The following PDS5B variants were observed in gnomAD, a reference collection of about 807,000 sequenced individuals.
PDS5B encodes the protein PDS5 cohesin associated factor B.
A neutral mutation model predicts 184.1 loss-of-function variants in PDS5B; 51 were observed. That is an observed-to-expected ratio of 0.28 (90% CI 0.22 to 0.35). PDS5B has a LOEUF of 0.35. Ranked by LOEUF, PDS5B falls within the 10% of genes least tolerant of loss-of-function variation. The pLI, the probability that PDS5B is intolerant of heterozygous loss-of-function variation, is 1.00. For missense variants in PDS5B, 1,180 were observed against 1,723.3 expected, an observed-to-expected ratio of 0.68 and a Z score of 5.58; for synonymous variants, 566 against 569.2, an observed-to-expected ratio of 0.99 and a Z score of 0.08.
At chr13:32,608,606 C>T (rs2058096686) in intron 1 of PDS5B, among the ~76,000 whole-genome samples, 1 of 152,072 alleles carries the variant, frequency 6.6e-6, no homozygotes, top group Non-Finnish European at 1.5e-5. Flanking sequence ...TAAGCTGGAA[C>T]CTACAGAGAT....
chr13:32,709,386 T>G (rs1184612141), intron 18 of PDS5B, among the ~76,000 whole-genome samples: 3 of 152,060 alleles, frequency 2.0e-5, no homozygotes, highest in Admixed American at 2.0e-4. Flanking sequence ...TTCTGTTGAC[T>G]TCTTTGTAAT....
chr13:32,775,047 C>T lies in PDS5B; in HGVS notation c.4339C>T (p.Arg1447Ter), dbSNP rs199518025. The change falls in exon 35 of 35, where the codon CGA becomes TGA. Residue 1447 changes from arginine to a stop codon, truncating the protein, a stop_gained. Coordinates refer to ENST00000315596, the MANE Select transcript of PDS5B (RefSeq NM_015032.4). LOFTEE classifies it high-confidence loss of function. ...VRRRSAKRER[R>*] is the part of the protein sequence containing the mutation. ...GCGGCGAAGTGCTAAAAGGGAACGG[C>T]GATGAACAAATGTAATTAATAACTT... 4.4e-6 allele frequency: 7 copies of T among 1,596,024 alleles called. No individual in the cohort carries two copies. The highest frequency in any genetic ancestry group is 2.7e-5 in the African/African-American group (2 of 73,266).
At chr13:32,758,767 A>T in intron 28 of PDS5B, 114 bp downstream of exon 28, 1 of 974,934 alleles carries the variant, frequency 1.0e-6, no homozygotes. Context: ...TAAGAATGTG[A>T]TTTAAGATCA....
At chr13:32,760,008 G>A (rs1300477014) in intron 29 of PDS5B, among the ~76,000 whole-genome samples, 1 of 152,010 alleles carries the variant, frequency 6.6e-6, no homozygotes, top group Non-Finnish European at 1.5e-5. Context: ...CCAGGCTGGA[G>A]TGCAGTGGCG....
chr13:32,736,516 G>A (rs982381644), intron 21 of PDS5B, among the ~76,000 whole-genome samples: 1 of 151,948 alleles, frequency 6.6e-6, no homozygotes, highest in African/African-American at 2.4e-5. Context: ...TCTTCTGTCT[G>A]TTTGCTGTGA....
chr13:32,706,172 G>A (rs1438866725), intron 17 of PDS5B, among the ~76,000 whole-genome samples: 3 of 151,864 alleles, frequency 2.0e-5, no homozygotes, highest in African/African-American at 7.3e-5. Context: ...CAGCTACTTG[G>A]GAGGCTGAGG....
At position 32,586,898 on chromosome 13, in the gene PDS5B, G is replaced by A. The variant is rs866145505; in HGVS notation, c.-20+305G>A. 7.7e-5 allele frequency among the ~76,000 whole-genome samples: 11 copies of A among 143,188 alleles called. No individual in the cohort carries two copies. In the South Asian group the frequency reaches 2.2e-3, roughly 28 times the overall value. The allele number at this position is 143,188 out of a possible 152,430, so 93.9% of individuals were successfully genotyped here. On this transcript the variant is annotated intron_variant, in intron 1 of 34. Coordinates refer to ENST00000315596, the MANE Select transcript of PDS5B (RefSeq NM_015032.4). ...CCGCAGCCTCTGGAAAATTAAACTT[G>A]CCGCTCTGATCCCGGCCGGGGCGGC...
At chr13:32,627,786 G>A (rs972146572) in intron 1 of PDS5B, among the ~76,000 whole-genome samples, 2 of 152,190 alleles carry the variant, frequency 1.3e-5, no homozygotes, top group Admixed American at 6.5e-5. Flanking sequence ...GTGGGATGAG[G>A]ATAGAGATGA....
At position 32,770,753 on chromosome 13, in the gene PDS5B, A is replaced by G. The variant is rs1190865244; in HGVS notation, c.4164A>G (p.Lys1388=). 6.2e-7 allele frequency: 1 copy of G among 1,601,596 alleles called. No homozygotes were observed. Among genetic ancestry groups the G allele is most frequent in the East Asian group, 2.3e-5 (1 of 43,546 alleles). The change falls in exon 33 of 35, where the codon AAA becomes AAG. Residue 1388 remains lysine (K), a synonymous_variant. Transcript: ENST00000315596. ...AAACGCCATCACCATCACAACCAAA[A>G]AAAAATGTGTAAGTTGTAAATATTA... ...PSKTPSPSQP[K]KNVRVGRSKQ...
At chr13:32,614,440 G>A (rs746359193) in intron 1 of PDS5B, among the ~76,000 whole-genome samples, 6 of 152,006 alleles carry the variant, frequency 3.9e-5, no homozygotes, top group Non-Finnish European at 8.8e-5. Context: ...TGGGATTATA[G>A]GCACCTGCAA....
rs576263665 is a variant in PDS5B, at chr13:32,667,256, G to A, written c.625-508G>A. On this transcript the variant is annotated intron_variant, in intron 6 of 34. Transcript: ENST00000315596. Reference sequence around the variant, plus strand: ...TTCCGCCCGTACTTTACTATTTGTTGTATTTCCTGTTGTATCCTTTGACTT... The same window carrying A: ...TTCCGCCCGTACTTTACTATTTGTTATATTTCCTGTTGTATCCTTTGACTT... Among the ~76,000 whole-genome samples, 12 of 152,098 alleles carry A rather than the reference G, an allele frequency of 7.9e-5. 1 individual carries two copies. The highest frequency in any genetic ancestry group is 7.9e-4 in the Admixed American group (12 of 15,256).
chr13:32,764,466 A>G (rs749554580), intron 30 of PDS5B, 23 bp from the exon 31 acceptor site: 22 of 1,375,156 alleles, frequency 1.6e-5, no homozygotes, highest in Admixed American at 6.0e-5. Context: ...TGTAATAACA[A>G]TTACAAATGT....
Position 32,644,226 on chromosome 13 carries a change from T to A in PDS5B, c.-19-4528T>A, listed in dbSNP as rs1262828123. 1.3e-5 allele frequency among the ~76,000 whole-genome samples: 2 copies of A among 152,166 alleles called. 1 individual carries two copies. The highest frequency in any genetic ancestry group is 1.3e-4 in the Admixed American group (2 of 15,266). ...TGTCCCTGACTTATGGTGGTTCAAC[T>A]TAGGACAATTTTTTGACTTTATGAT... On this transcript the variant is annotated intron_variant, in intron 1 of 34. Transcript: ENST00000315596.
In PDS5B at chr13:32,688,678, A is replaced by G; in HGVS notation, c.1469+109A>G. ...TTTTAAAATGTAATCTATGTAGTGT[A>G]AACATTGTTTAAAGGGTTATGTCGT... On this transcript the variant is annotated intron_variant, in intron 13 of 34. Transcript: ENST00000315596. 4.0e-6 allele frequency: 3 copies of G among 741,610 alleles called. No homozygotes were observed. In the South Asian group the frequency reaches 4.5e-5, roughly 11 times the overall value. The allele number at this position is 741,610 out of a possible 1,614,324, so 45.9% of individuals were successfully genotyped here.
Position 32,687,187 on chromosome 13 carries a change from T to C in PDS5B, c.1257T>C (p.Tyr419=), listed in dbSNP as rs752314332. The C allele has an allele frequency of 5.6e-6, 9 of 1,609,466 alleles. No homozygotes were observed. Among genetic ancestry groups the C allele is most frequent in the African/African-American group, 2.7e-5 (2 of 74,780 alleles). ...MMGLAQIYKK[Y]ALQSAAGKDA... is the part of the protein sequence containing the mutation. ...GACTTGCCCAAATTTATAAGAAATA[T>C]GCTTTACAGTCAGCAGCTGGAAAAG... Residue 419 remains tyrosine, a synonymous_variant, in exon 12 of 35, where the codon TAT becomes TAC. Coordinates refer to ENST00000315596, the MANE Select transcript of PDS5B (RefSeq NM_015032.4).
chr13:32,687,308 AT>A, intron 12 of PDS5B, 23 bp downstream of exon 12: 1 of 1,484,904 alleles, frequency 6.7e-7, no homozygotes. Flanking sequence ...CACTATAAAT[AT>A]TTGGTGACTT....
intron 1 of PDS5B, among the ~76,000 whole-genome samples, chr13:32,616,480 C>T (rs753644638): frequency 3.3e-5 from 5 of 152,094 alleles, no homozygotes; most frequent in Non-Finnish European, 2.9e-5. Context: ...AAATGCTTCA[C>T]CATTTTATGA....
intron 9 of PDS5B, among the ~76,000 whole-genome samples, chr13:32,676,909 C>T (rs1035703931): frequency 3.5e-5 from 4 of 112,880 alleles, no homozygotes; most frequent in Non-Finnish European, 6.6e-5. Flanking sequence ...CCAGCCTGGG[C>T]GACAGAGCGA....
intron 1 of PDS5B, among the ~76,000 whole-genome samples, chr13:32,645,464 G>A (rs992168427): frequency 6.6e-6 from 1 of 152,058 alleles, no homozygotes; most frequent in Non-Finnish European, 1.5e-5. Context: ...TTTTCCTTGT[G>A]GAAAGATCTG....
Sources: allele counts gnomAD v4.1 joint callset (sites outside exome capture counted in the v4.1 genomes callset), GRCh38; gene constraint gnomAD v4.1.1; transcripts MANE v1.5; gene names NCBI Gene and HGNC (gene_info 2026-07-23, HGNC 2026-07-21).